Variants in KIF24 observed in about 807,000 individuals in gnomAD.
KIF24 encodes kinesin-like protein KIF24.
A neutral mutation model predicts 118.9 loss-of-function variants in KIF24; 81 were observed. The ratio of observed to expected loss-of-function variants is 0.68; its 90% CI spans 0.57 to 0.82. The LOEUF (loss-of-function observed/expected upper bound fraction) is 0.82, where lower values mean the gene tolerates loss of function less well. KIF24 is among the 40% of genes least tolerant of loss of function. The probability of loss-of-function intolerance (pLI) is 0.00; values close to 1 mark genes in which losing one functional copy is unlikely to be tolerated. For synonymous variants in KIF24, 599 were observed against 610.0 expected, an observed-to-expected ratio of 0.98 and a Z score of 0.27; for missense variants, 1,560 against 1,661.6, an observed-to-expected ratio of 0.94 and a Z score of 1.06.
intron 8 of KIF24, among the ~76,000 whole-genome samples, chr9:34,267,241 C>T (rs1024959475): frequency 6.6e-6 from 1 of 151,804 alleles, no homozygotes; most frequent in African/African-American, 2.4e-5. Context: ...ATGGCATGTC[C>T]TTAACAGAGA....
At chr9:34,269,576 C>G (rs1004519094) in intron 7 of KIF24, among the ~76,000 whole-genome samples, 1 of 152,002 alleles carries the variant, frequency 6.6e-6, no homozygotes, top group Non-Finnish European at 1.5e-5. Flanking sequence ...CCCGCCACCA[C>G]GCCCGGCTAA....
chr9:34,305,668 A>G (rs1040205797), intron 3 of KIF24, among the ~76,000 whole-genome samples: 7 of 152,174 alleles, frequency 4.6e-5, no homozygotes. Context: ...CAGTGGTGCA[A>G]TCATAGCTCA....
chr9:34,260,449 G>A (rs151035346), intron 9 of KIF24, among the ~76,000 whole-genome samples: 391 of 152,158 alleles, frequency 2.6e-3, no homozygotes, highest in Middle Eastern at 3.4e-3. Flanking sequence ...TTCTATCTTC[G>A]AGGGAAAAAG....
At chr9:34,289,795 C>T (rs1199858275) in intron 5 of KIF24, among the ~76,000 whole-genome samples, 2 of 151,890 alleles carry the variant, frequency 1.3e-5, no homozygotes, top group Non-Finnish European at 2.9e-5. Flanking sequence ...AGAGGAAAAA[C>T]AAGAGAAAGT....
chr9:34,319,011 C>T (rs562749629), intron 1 of KIF24: 2 of 1,225,036 alleles, frequency 1.6e-6, no homozygotes, highest in East Asian at 2.3e-5. Context: ...CTTGTCAACA[C>T]CATGTTCTTC....
At position 34,256,658 on chromosome 9, in the gene KIF24, A is replaced by G; in HGVS notation, c.2949T>C (p.Asp983=). 3 of 1,613,966 alleles carry G rather than the reference A, an allele frequency of 1.9e-6. No individual in the cohort carries two copies. Among genetic ancestry groups the G allele is most frequent in the Non-Finnish European group, 2.5e-6 (3 of 1,179,892 alleles). ...CGTGGGACAATGAGATAGTGAAACC[A>G]TCTTCCTCTGGGGATGGCAAGTTGC... ...NEGNLPSPEE[D]GFTISLSHVA... Residue 983 remains aspartate (D), a synonymous_variant, in exon 11 of 13, where the codon GAT becomes GAC. Coordinates refer to ENST00000402558, the MANE Select transcript of KIF24 (RefSeq NM_194313.4).
Position 34,310,736 on chromosome 9 carries a change from T to A in KIF24, c.611A>T (p.His204Leu), listed in dbSNP as rs547085336. The change falls in exon 2 of 13, where the codon CAT becomes CTT. Residue 204 changes from histidine to leucine, a missense_variant. Physicochemically the swap from His to Leu is moderately conservative, Grantham distance 99 (BLOSUM62 -3). Around this residue, in one of 3 missense-constraint regions of KIF24, gnomAD observed 964 missense variants for 988.0 expected, o/e 0.98. Coordinates refer to ENST00000402558, the MANE Select transcript of KIF24 (RefSeq NM_194313.4). ...TAAAATTTATTACCTGATACAAGAA[T>A]GAGGGATTCCATAGTTATACCCTGA... ...HVSGYNYGIP[H>L]SCIRQNTSEK... 1 of 1,589,472 alleles carries A rather than the reference T, an allele frequency of 6.3e-7. No homozygotes were observed. The highest frequency in any genetic ancestry group is 1.4e-5 in the African/African-American group (1 of 73,790).
In KIF24 at chr9:34,255,716, G is replaced by C; in HGVS notation, c.3872+19C>G. 13 of 1,588,334 alleles carry C rather than the reference G, an allele frequency of 8.2e-6. No individual in the cohort carries two copies. Among genetic ancestry groups the C allele is most frequent in the Non-Finnish European group, 1.1e-5 (13 of 1,166,314 alleles). On this transcript the variant is annotated intron_variant, in intron 11 of 12. Coordinates refer to ENST00000402558, the MANE Select transcript of KIF24 (RefSeq NM_194313.4). ...GGGTGCCAAAGGGGCTCAAGTCTTA[G>C]GGAAAGTGTCCAACTTACTGCGCTT...
chr9:34,260,503 T>C (rs957965696), intron 9 of KIF24, among the ~76,000 whole-genome samples: 5 of 152,208 alleles, frequency 3.3e-5, no homozygotes, highest in African/African-American at 9.7e-5. Flanking sequence ...TATGAGGCTA[T>C]GCGGGCAGAG....
At position 34,297,291 on chromosome 9, in the gene KIF24, ATC is replaced by A. The variant is rs781059451; in HGVS notation, c.814-179_814-178del. On this transcript the variant is annotated intron_variant, in intron 3 of 12. Transcript: ENST00000402558. ...ATGACAGGGCCTCCTCTTACTTGAG[ATC>A]TCTGTAGACATGTTCTTACAAGGTA... Among the ~76,000 whole-genome samples the A allele has an allele frequency of 9.8e-5, 15 of 152,350 alleles. No homozygotes were observed. The East Asian group carries it at 2.7e-3, about 27-fold the overall frequency.
chr9:34,320,658 C>CAAAAAAAAAAAAAAAAAA (rs68048466), intron 1 of KIF24, among the ~76,000 whole-genome samples: 1 of 54,436 alleles, frequency 1.8e-5, no homozygotes, highest in Admixed American at 2.6e-4. Flanking sequence ...AACTCCTTCT[C>CAAAAAAAAAAAAAAAAAA]AAAAAAAAAA....
intron 6 of KIF24, among the ~76,000 whole-genome samples, chr9:34,277,914 T>TACC (rs1286106347): frequency 6.6e-6 from 1 of 152,232 alleles, no homozygotes; most frequent in Non-Finnish European, 1.5e-5. Flanking sequence ...ATGCCAGCTC[T>TACC]ACCATGTGGT....
chr9:34,264,158 A>C (rs1835196751), intron 8 of KIF24, among the ~76,000 whole-genome samples: 1 of 152,038 alleles, frequency 6.6e-6, no homozygotes, highest in Non-Finnish European at 1.5e-5. Context: ...GCAGTGGCTC[A>C]TGCCTGTAAT....
chr9:34,295,942 G>A lies in KIF24; in HGVS notation c.911+1075C>T, dbSNP rs182804275. Reference sequence around the variant, plus strand: ...TAATAACTTAAAAATACATCTGGCCGGGCGCGATGGCTCACACCTGTAATC... The same window carrying A: ...TAATAACTTAAAAATACATCTGGCCAGGCGCGATGGCTCACACCTGTAATC... On this transcript the variant is annotated intron_variant, in intron 4 of 12. Coordinates refer to ENST00000402558, the MANE Select transcript of KIF24 (RefSeq NM_194313.4). Among the ~76,000 whole-genome samples the A allele has an allele frequency of 2.7e-4, 41 of 152,100 alleles. 1 individual carries two copies. The East Asian group carries it at 2.7e-3, about 10-fold the overall frequency.
chr9:34,294,923 G>T (rs955323582), intron 4 of KIF24, among the ~76,000 whole-genome samples: 10 of 152,092 alleles, frequency 6.6e-5, no homozygotes, highest in Non-Finnish European at 1.5e-4. Context: ...TCTTGTTACA[G>T]ATATTTGTTA....
chr9:34,271,325 C>CAAAAAAAAAAAA (rs58895274), intron 7 of KIF24, among the ~76,000 whole-genome samples: 5 of 107,330 alleles, frequency 4.7e-5, no homozygotes, highest in African/African-American at 1.8e-4. Flanking sequence ...AGCAATCCAG[C>CAAAAAAAAAAAA]AAAAAAAAAA....
chr9:34,307,715 C>T (rs1563959044), intron 2 of KIF24, among the ~76,000 whole-genome samples: 1 of 151,880 alleles, frequency 6.6e-6, no homozygotes, highest in South Asian at 2.1e-4. Context: ...GAGTTCGAGA[C>T]CAGCCTGGCC....
chr9:34,255,618 A>G (rs1240067861), intron 11 of KIF24, 117 bp downstream of exon 11: 1 of 873,570 alleles, frequency 1.1e-6, no homozygotes, highest in African/African-American at 1.7e-5. Flanking sequence ...AGCTAGAAGC[A>G]GACTAGCTCA....
chr9:34,300,708 TAC>T (rs573160481), intron 3 of KIF24, among the ~76,000 whole-genome samples: 100 of 152,204 alleles, frequency 6.6e-4, no homozygotes, highest in African/African-American at 2.2e-3. Context: ...ATCTATTTCA[TAC>T]ACAGTTTCTA....
Sources: allele counts gnomAD v4.1 joint callset (sites outside exome capture counted in the v4.1 genomes callset), GRCh38; gene constraint gnomAD v4.1.1; regional missense constraint gnomAD v4.1.1; transcripts MANE v1.5; gene names NCBI Gene and HGNC (gene_info 2026-07-23, HGNC 2026-07-21).